Variants in DDX60L observed in about 807,000 individuals in gnomAD.
DDX60L encodes DExD/H-box 60 like, also known as probable ATP-dependent RNA helicase DDX60-like.
A neutral mutation model predicts 211.6 loss-of-function variants in DDX60L; 191 were observed. The ratio of observed to expected loss-of-function variants is 0.90; its 90% CI spans 0.80 to 1.02. DDX60L has a LOEUF of 1.02. Ranked by LOEUF, DDX60L falls within the 50% of genes least tolerant of loss-of-function variation. The pLI, the probability that DDX60L is intolerant of heterozygous loss-of-function variation, is 0.00. For synonymous variants in DDX60L, 706 were observed against 694.1 expected (o/e 1.02, Z -0.27); for missense variants, 2,007 against 1,984.1 (o/e 1.01, Z -0.22).
intron 35 of DDX60L, among the ~76,000 whole-genome samples, chr4:168,372,816 A>G (rs758650733): frequency 3.9e-5 from 6 of 152,120 alleles, no homozygotes; most frequent in Non-Finnish European, 7.4e-5. Context: ...AGAAAAATAC[A>G]TAATGTAGAA....
chr4:168,401,558 C>T (rs936360395), intron 25 of DDX60L, among the ~76,000 whole-genome samples: 2 of 152,228 alleles, frequency 1.3e-5, no homozygotes, highest in Non-Finnish European at 2.9e-5. Context: ...TCATATTTGG[C>T]TCGGAATAAA....
chr4:168,459,814 A>AGGAAGGAAGGAAGGAAG (rs1273774123), intron 5 of DDX60L, among the ~76,000 whole-genome samples: 2 of 130,112 alleles, frequency 1.5e-5, no homozygotes, highest in African/African-American at 5.7e-5. Flanking sequence ...GAAGGAAGGA[A>AGGAAGGAAGGAAGGAAG]GGAGGGAAGG....
intron 28 of DDX60L, among the ~76,000 whole-genome samples, chr4:168,392,115 A>G (rs1296510251): frequency 6.6e-6 from 1 of 152,230 alleles, no homozygotes; most frequent in Non-Finnish European, 1.5e-5. Context: ...AACAACAAGC[A>G]TACAAATTTT....
chr4:168,444,346 C>G (rs1336314202), intron 9 of DDX60L, among the ~76,000 whole-genome samples: 3 of 119,384 alleles, frequency 2.5e-5, no homozygotes, highest in Admixed American at 9.0e-5. Flanking sequence ...AATATATATG[C>G]ACCCAATACA....
intron 35 of DDX60L, among the ~76,000 whole-genome samples, chr4:168,373,055 G>A (rs942928346): frequency 1.3e-5 from 2 of 152,038 alleles, no homozygotes; most frequent in African/African-American, 2.4e-5. Context: ...GAAGATTCAC[G>A]ATTTTTTAAA....
At chr4:168,419,099 T>C (rs1306168362) in intron 19 of DDX60L, among the ~76,000 whole-genome samples, 6 of 152,262 alleles carry the variant, frequency 3.9e-5, no homozygotes, top group Admixed American at 1.3e-4. Flanking sequence ...GTTTCCCTTG[T>C]ACAAACCTTT....
chr4:168,371,900 G>A (rs1741098723), intron 35 of DDX60L, 137 bp from the exon 36 acceptor site: 1 of 775,090 alleles, frequency 1.3e-6, no homozygotes, highest in East Asian at 2.8e-5. Context: ...AGGCAGAGGG[G>A]GATTCCCATG....
rs115256063 is a variant in DDX60L at position 168,437,741 on chromosome 4, T to C, written c.1294+3596A>G. ...GTCAAAGGTGATGTCATGCACCCTA[T>C]AGGTCACTATGACTCAGTATACCGT... is the stretch of plus-strand genomic sequence containing the variant. On this transcript the variant is annotated intron_variant, in intron 10 of 37. Transcript: ENST00000682922. 4.1e-3 allele frequency among the ~76,000 whole-genome samples: 626 copies of C among 152,312 alleles called. 8 individuals are homozygous for C. Among genetic ancestry groups the C allele is most frequent in the African/African-American group, 0.014 (584 of 41,562 alleles).
chr4:168,425,766 C>CA (rs1022725280), intron 14 of DDX60L, among the ~76,000 whole-genome samples: 35 of 150,540 alleles, frequency 2.3e-4, no homozygotes, highest in Admixed American at 6.6e-4. Context: ...GACTCCATCC[C>CA]AAAAAAAAGA....
At chr4:168,448,388 T>C (rs1384128190) in intron 9 of DDX60L, among the ~76,000 whole-genome samples, 2 of 152,164 alleles carry the variant, frequency 1.3e-5, no homozygotes, top group Non-Finnish European at 2.9e-5. Flanking sequence ...CGTTATAAAA[T>C]ATCATGCATC....
intron 9 of DDX60L, among the ~76,000 whole-genome samples, chr4:168,446,763 A>T (rs1375052101): frequency 8.5e-5 from 12 of 140,408 alleles, no homozygotes; most frequent in Non-Finnish European, 1.8e-4. Flanking sequence ...CAAACCTGAG[A>T]AAAACAAGCA....
chr4:168,401,777 T>G (rs1198992913), intron 25 of DDX60L, among the ~76,000 whole-genome samples: 1 of 152,118 alleles, frequency 6.6e-6, no homozygotes, highest in Non-Finnish European at 1.5e-5. Flanking sequence ...GAAAACAGAC[T>G]TCGAAAAGAA....
intron 28 of DDX60L, 99 bp from the exon 29 acceptor site, chr4:168,391,743 T>G: frequency 1.7e-6 from 1 of 580,698 alleles, no homozygotes; most frequent in South Asian, 2.7e-5. Context: ...CTCTTAGAGC[T>G]TTAACAAACC....
At chr4:168,438,905 T>G (rs183375323) in intron 10 of DDX60L, among the ~76,000 whole-genome samples, 2 of 152,374 alleles carry the variant, frequency 1.3e-5, no homozygotes, top group Admixed American at 1.3e-4. Flanking sequence ...TATTTTTGTT[T>G]TCTTCTTTTA....
At chr4:168,443,676 C>A (rs905406630) in intron 9 of DDX60L, among the ~76,000 whole-genome samples, 3 of 150,558 alleles carry the variant, frequency 2.0e-5, no homozygotes, top group Non-Finnish European at 4.4e-5. Flanking sequence ...AACAGCGGAT[C>A]TCTCGGCAGA....
intron 29 of DDX60L, among the ~76,000 whole-genome samples, chr4:168,386,235 C>T (rs531388007): frequency 2.6e-5 from 4 of 152,200 alleles, no homozygotes; most frequent in South Asian, 4.2e-4. Context: ...TCCAACCACA[C>T]TTGGCACCAC....
At chr4:168,375,566 T>C (rs376792277) in intron 33 of DDX60L, 42 bp from the exon 34 acceptor site, 321 of 1,521,478 alleles carry the variant, frequency 2.1e-4, no homozygotes, top group Non-Finnish European at 2.7e-4. Context: ...TTTACTTTTA[T>C]TTAAAAAATT....
At chr4:168,463,381 T>G (rs1174816540) in intron 4 of DDX60L, among the ~76,000 whole-genome samples, 2 of 152,112 alleles carry the variant, frequency 1.3e-5, no homozygotes, top group African/African-American at 4.8e-5. Flanking sequence ...GGGAGCTAAA[T>G]GATGAGAACA....
chr4:168,455,965 C>T, intron 7 of DDX60L, 74 bp downstream of exon 7: 1 of 1,004,558 alleles, frequency 1.0e-6, no homozygotes, highest in Non-Finnish European at 1.4e-6. Context: ...AACCTGATGC[C>T]ACCAGTGAAG....
Sources: gnomAD v4.1 joint callset for allele counts (sites outside exome capture counted in the v4.1 genomes callset) on GRCh38, gnomAD v4.1.1 for gene constraint, MANE v1.5 for transcripts, NCBI Gene and HGNC (gene_info 2026-07-23, HGNC 2026-07-21) for gene names.